DOP1B: variants seen among roughly 807,000 people sequenced by gnomAD.
The protein encoded by DOP1B is DOP1 leucine zipper like protein B, also known as protein DOP1B.
DOP1B carries 174 observed loss-of-function variants against 233.5 expected under a neutral mutation model. The observed-to-expected ratio is 0.75, with a 90% CI of 0.66 to 0.85. DOP1B has a LOEUF of 0.85. DOP1B is among the 40% of genes least tolerant of loss of function. The pLI, the probability that DOP1B is intolerant of heterozygous loss-of-function variation, is 0.00. For synonymous variants in DOP1B, 1,190 were observed against 1,185.6 expected (o/e 1.00, Z -0.08); for missense variants, 2,652 against 2,846.6 (o/e 0.93, Z 1.56).
At chr21:36,180,886 A>C (rs1157983440) in intron 2 of DOP1B, among the ~76,000 whole-genome samples, 1 of 84,142 alleles carries the variant, frequency 1.2e-5, no homozygotes, top group Admixed American at 1.3e-4. Flanking sequence ...ACTGTGTCTC[A>C]AAAAAAAAAA....
intron 23 of DOP1B, among the ~76,000 whole-genome samples, chr21:36,260,358 C>T (rs1459222013): frequency 6.6e-6 from 1 of 151,948 alleles, no homozygotes; most frequent in Non-Finnish European, 1.5e-5. Flanking sequence ...CAACACTGGC[C>T]CTAGCTTTCT....
At chr21:36,198,145 G>A (rs2066314441) in intron 2 of DOP1B, among the ~76,000 whole-genome samples, 1 of 151,768 alleles carries the variant, frequency 6.6e-6, no homozygotes, top group Admixed American at 6.6e-5. Flanking sequence ...ATAAGATTAA[G>A]CCGGCCAGGC....
chr21:36,289,801 A>G (rs2067536123), intron 35 of DOP1B, among the ~76,000 whole-genome samples: 1 of 152,216 alleles, frequency 6.6e-6, no homozygotes, highest in South Asian at 2.1e-4. Context: ...TGAAAAGGCT[A>G]CACACTGTAT....
intron 2 of DOP1B, among the ~76,000 whole-genome samples, chr21:36,191,603 T>C (rs565319349): frequency 6.6e-6 from 1 of 152,214 alleles, no homozygotes; most frequent in African/African-American, 2.4e-5. Flanking sequence ...CTGGCCAACA[T>C]AGTGAAACCT....
chr21:36,163,344 C>A (rs78576977), intron 1 of DOP1B, among the ~76,000 whole-genome samples: 479 of 107,648 alleles, frequency 4.4e-3, no homozygotes, highest in South Asian at 6.5e-3. Context: ...GACTCTGTCT[C>A]AAAAAAAAAA....
At chr21:36,229,649 G>A (rs941770696) in intron 13 of DOP1B, among the ~76,000 whole-genome samples, 1 of 148,550 alleles carries the variant, frequency 6.7e-6, no homozygotes, top group African/African-American at 2.5e-5. Flanking sequence ...ACTATTCTCT[G>A]ACTTGCTTTA....
Position 36,245,621 on chromosome 21 carries a change from A to G in DOP1B, c.3641A>G (p.Gln1214Arg), listed in dbSNP as rs375972994. 1.1e-5 allele frequency: 17 copies of G among 1,613,540 alleles called. No individual in the cohort carries two copies. The highest frequency in any genetic ancestry group is 1.7e-5 in the Admixed American group (1 of 60,016). The change falls in exon 19 of 37, where the codon CAG becomes CGG. Residue 1214 changes from glutamine (Q) to arginine (R), a missense_variant. By Grantham distance (43) the Gln-to-Arg change is conservative (BLOSUM62 1). Transcript: ENST00000691173. This position sits in a 1 kb window ranked among gnomAD's most constrained non-coding sequence, Gnocchi z 5.5. ...ACCACATCCAGGCTGCTAAAGCAGC[A>G]GCGGGAAAGGCAGGAGGCCGTCGAG... ...ALTTSRLLKQ[Q>R]RERQEAVEAL...
At chr21:36,186,715 C>T (rs974358053) in intron 2 of DOP1B, among the ~76,000 whole-genome samples, 2 of 152,184 alleles carry the variant, frequency 1.3e-5, no homozygotes, top group African/African-American at 2.4e-5. Flanking sequence ...CTGAAATACT[C>T]TGCACACCTG....
At chr21:36,279,277 G>GC (rs913573557) in intron 30 of DOP1B, among the ~76,000 whole-genome samples, 1 of 151,970 alleles carries the variant, frequency 6.6e-6, no homozygotes. Flanking sequence ...AATTAGCCAG[G>GC]CATGCGGGCA....
chr21:36,243,165 A>C (rs976785476), intron 18 of DOP1B, among the ~76,000 whole-genome samples: 1 of 151,774 alleles, frequency 6.6e-6, no homozygotes, highest in Non-Finnish European at 1.5e-5. Context: ...TTTTTAGTAG[A>C]GATGGGGTTT....
At chr21:36,165,158 A>T (rs1441646527) in intron 2 of DOP1B, among the ~76,000 whole-genome samples, 1 of 152,130 alleles carries the variant, frequency 6.6e-6, no homozygotes, top group Admixed American at 6.6e-5. Flanking sequence ...GCTTTTTCTG[A>T]GCATAAAAAT....
intron 11 of DOP1B, among the ~76,000 whole-genome samples, chr21:36,224,995 G>A (rs529191895): frequency 2.0e-5 from 3 of 151,932 alleles, no homozygotes; most frequent in Non-Finnish European, 4.4e-5. Context: ...TACATCTGTC[G>A]ATGGTACTCC....
intron 35 of DOP1B, 97 bp downstream of exon 35, chr21:36,289,303 A>G: frequency 3.1e-6 from 4 of 1,291,274 alleles, no homozygotes; most frequent in Non-Finnish European, 4.3e-6. Flanking sequence ...GTTTATGGGA[A>G]ACCACCATCT....
chr21:36,218,657 A>T (rs148664836), intron 9 of DOP1B, among the ~76,000 whole-genome samples: 1 of 152,144 alleles, frequency 6.6e-6, no homozygotes, highest in Non-Finnish European at 1.5e-5. Context: ...CTTTTTTGCC[A>T]GTGTTGACAG....
intron 26 of DOP1B, 124 bp downstream of exon 26, chr21:36,263,938 G>T (rs2067204474): frequency 1.0e-5 from 10 of 1,001,954 alleles, no homozygotes; most frequent in Admixed American, 8.6e-5. Flanking sequence ...CTTTGCACTT[G>T]TTCTCAAGTC....
chr21:36,225,374 C>T (rs2066670236), intron 11 of DOP1B, among the ~76,000 whole-genome samples, 191 bp from the exon 12 acceptor site: 1 of 151,994 alleles, frequency 6.6e-6, no homozygotes, highest in African/African-American at 2.4e-5. Flanking sequence ...GGACTACAGG[C>T]GTGGGCCACC....
chr21:36,288,933 C>G, intron 34 of DOP1B, 112 bp from the exon 35 acceptor site: 1 of 1,468,330 alleles, frequency 6.8e-7, no homozygotes, highest in Non-Finnish European at 9.3e-7. Context: ...AAAGGACCAG[C>G]TATTCCAAAA....
At chr21:36,172,163 G>T (rs546441245) in intron 2 of DOP1B, among the ~76,000 whole-genome samples, 73 of 152,268 alleles carry the variant, frequency 4.8e-4, no homozygotes, top group African/African-American at 1.7e-3. Flanking sequence ...ATACAGCAGG[G>T]TCAGGCCACT....
chr21:36,239,952 G>A lies in DOP1B; in HGVS notation c.3064G>A (p.Ala1022Thr). ...CCACTGCCTCAAGCAGGAGAACTCG[G>A]CCGGTGAGCAGCCTGCACAGGACCC... ...SIHCLKQENS[A>T]DDLHRWFNRK... Residue 1022 changes from alanine to threonine, a missense_variant, in exon 18 of 37, where the codon GCC (alanine) becomes ACC (threonine). By Grantham distance (58) the Ala-to-Thr change is moderately conservative (BLOSUM62 0). Coordinates refer to ENST00000691173, the MANE Select transcript of DOP1B (RefSeq NM_001320714.2). 6.2e-7 allele frequency: 1 copy of A among 1,608,588 alleles called. No individual in the cohort carries two copies. The highest frequency in any genetic ancestry group is 8.5e-7 in the Non-Finnish European group (1 of 1,178,546).
Sources: allele counts gnomAD v4.1 joint callset (sites outside exome capture counted in the v4.1 genomes callset), GRCh38; gene constraint gnomAD v4.1.1; non-coding constraint Gnocchi (gnomAD v3.1); transcripts MANE v1.5; gene names NCBI Gene and HGNC (gene_info 2026-07-23, HGNC 2026-07-21).